MMADHC: variants seen among roughly 807,000 people sequenced by gnomAD.
MMADHC encodes cobalamin trafficking protein CblD.
In MMADHC, 23 loss-of-function variants were observed where a neutral mutation model predicts 36.3. The ratio of observed to expected loss-of-function variants is 0.63; its 90% CI spans 0.46 to 0.90. MMADHC has a LOEUF of 0.90. MMADHC is among the 40% of genes least tolerant of loss of function. The pLI, the probability that MMADHC is intolerant of heterozygous loss-of-function variation, is 0.00. For missense variants in MMADHC, 330 were observed against 348.0 expected (o/e 0.95, Z 0.41); for synonymous variants, 97 against 116.1 (o/e 0.84, Z 1.06).
At chr2:149,571,290 AT>A in intron 6 of MMADHC, 119 bp from the exon 7 acceptor site, 1 of 577,018 alleles carries the variant, frequency 1.7e-6, no homozygotes, top group Non-Finnish European at 2.9e-6. Flanking sequence ...TAATAAAAAA[AT>A]AAAAACCAAT....
intron 6 of MMADHC, chr2:149,572,378 CAG>C (rs1682654658): frequency 3.4e-6 from 1 of 291,156 alleles, no homozygotes; most frequent in Admixed American, 5.1e-5. Context: ...CTGGCCATAA[CAG>C]AGTTAACAGG....
intron 2 of MMADHC, 140 bp downstream of exon 2, chr2:149,586,949 C>G (rs1344591853): frequency 1.2e-6 from 1 of 834,048 alleles, no homozygotes; most frequent in African/African-American, 1.7e-5. Flanking sequence ...TAATTTCACA[C>G]CACTTGCTTC....
Position 149,569,890 on chromosome 2 carries a change from T to C in MMADHC, c.*84A>G, listed in dbSNP as rs575155797. On this transcript the variant is annotated 3_prime_UTR_variant, in exon 8 of 8. Coordinates refer to ENST00000303319, the MANE Select transcript of MMADHC (RefSeq NM_015702.3). The stretch of plus-strand genomic sequence containing the variant: ...AAATAAATACTTAGAAATAAATATA[T>C]TTTAAAAACTTTAGTCTGACAGTGT... 309 of 1,203,006 alleles carry C rather than the reference T, an allele frequency of 2.6e-4. 1 individual carries two copies. The highest frequency in any genetic ancestry group is 2.5e-5 in the Non-Finnish European group (21 of 835,556). The allele number at this position is 1,203,006 out of a possible 1,614,324, so 74.5% of individuals were successfully genotyped here.
At chr2:149,586,973 G>T in intron 2 of MMADHC, 116 bp downstream of exon 2, 1 of 1,075,906 alleles carries the variant, frequency 9.3e-7, no homozygotes, top group Non-Finnish European at 1.4e-6. Flanking sequence ...TGACATTTTT[G>T]ATACATTATA....
intron 6 of MMADHC, among the ~76,000 whole-genome samples, chr2:149,571,498 T>G (rs185221729): frequency 6.6e-6 from 1 of 152,322 alleles, no homozygotes; most frequent in Non-Finnish European, 1.5e-5. Flanking sequence ...GGTTGCTATT[T>G]TGTATTACTA....
chr2:149,583,600 C>T (rs1165700170), intron 2 of MMADHC, among the ~76,000 whole-genome samples: 2 of 152,144 alleles, frequency 1.3e-5, no homozygotes, highest in Admixed American at 1.3e-4. Context: ...AAAAAATGGA[C>T]TGGAGGAGGA....
chr2:149,579,473 T>G lies in MMADHC; in HGVS notation c.330A>C (p.Glu110Asp). ...ATTGTGCCATCACAAACTCATGTCT[T>G]TCACTTGATAAAGGTTCTGCTAGAA... ...PDVLAEPLSSERHEFVMAQYV... is the reference protein window; with the variant it reads ...PDVLAEPLSSDRHEFVMAQYV... The change falls in exon 4 of 8, where the codon GAA becomes GAC. Residue 110 changes from glutamate (E) to aspartate (D), a missense_variant. Glu to Asp is a conservative substitution (Grantham distance 45). Coordinates refer to ENST00000303319, the MANE Select transcript of MMADHC (RefSeq NM_015702.3). The G allele has an allele frequency of 6.2e-7, 1 of 1,612,482 alleles. No individual in the cohort carries two copies. Among genetic ancestry groups the G allele is most frequent in the South Asian group, 1.1e-5 (1 of 91,014 alleles).
chr2:149,579,619 T>G lies in MMADHC; in HGVS notation c.184A>C (p.Met62Leu). The G allele has an allele frequency of 6.2e-7, 1 of 1,613,982 alleles. No homozygotes were observed. The highest frequency in any genetic ancestry group is 1.7e-5 in the Admixed American group (1 of 59,986). ...TGATCTTGAGGTCCAAAGGGTCCCA[T>G]AGTTTCATCAGGCCACACTGTTCGA... ...CSRTVWPDET[M>L]GPFGPQDQRF... is the part of the protein sequence containing the mutation. Residue 62 changes from methionine (M) to leucine (L), a missense_variant, in exon 4 of 8, where the codon ATG becomes CTG. By Grantham distance (15) the Met-to-Leu change is conservative. Coordinates refer to ENST00000303319, the MANE Select transcript of MMADHC (RefSeq NM_015702.3).
chr2:149,583,518 A>G (rs888440273), intron 2 of MMADHC, among the ~76,000 whole-genome samples: 2 of 152,178 alleles, frequency 1.3e-5, no homozygotes, highest in African/African-American at 4.8e-5. Flanking sequence ...TTTAATTTGT[A>G]GGCAGGAAAG....
At chr2:149,584,735 T>C (rs1196174492) in intron 2 of MMADHC, among the ~76,000 whole-genome samples, 1 of 152,176 alleles carries the variant, frequency 6.6e-6, no homozygotes, top group African/African-American at 2.4e-5. Flanking sequence ...GTTTCAAACC[T>C]TACCCGTTAA....
rs761382925 is a variant in MMADHC, at chr2:149,579,700, G to A, written c.155-52C>T. 8 of 1,405,260 alleles carry A rather than the reference G, an allele frequency of 5.7e-6. 1 individual carries two copies. The Middle Eastern group carries it at 1.2e-3, about 214-fold the overall frequency. The allele number at this position is 1,405,260 out of a possible 1,614,324, so 87.0% of individuals were successfully genotyped here. A position where few individuals can be genotyped will look rare whatever the true frequency, so the allele number is the denominator to read the frequency against. ...TTTCTCCTTAATAGTCAAGTATATT[G>A]GTAGACTGAAAGAATGCTCTTCTTA... On this transcript the variant is annotated intron_variant, in intron 3 of 7. Transcript: ENST00000303319.
chr2:149,586,935 A>G (rs752939963), intron 2 of MMADHC, 154 bp downstream of exon 2: 1 of 745,040 alleles, frequency 1.3e-6, no homozygotes, highest in Non-Finnish European at 2.4e-6. Flanking sequence ...TTCAAAGCAT[A>G]ACATAATTTC....
intron 4 of MMADHC, 59 bp from the exon 5 acceptor site, chr2:149,576,601 G>T: frequency 8.4e-7 from 1 of 1,187,810 alleles, no homozygotes; most frequent in East Asian, 2.3e-5. Flanking sequence ...ACGGTATCTT[G>T]CCTGTTATAA....
At chr2:149,570,272 A>T (rs1682620292) in intron 7 of MMADHC, 104 bp from the exon 8 acceptor site, 2 of 981,968 alleles carry the variant, frequency 2.0e-6, no homozygotes, top group African/African-American at 1.6e-5. Context: ...CCAAATATTT[A>T]AAAAACTAAA....
chr2:149,572,723 G>A (rs910959661), intron 6 of MMADHC, among the ~76,000 whole-genome samples: 1 of 152,082 alleles, frequency 6.6e-6, no homozygotes, highest in Non-Finnish European at 1.5e-5. Flanking sequence ...CTATTCACCA[G>A]GGTTTCTTAG....
In MMADHC at chr2:149,579,595, G is replaced by C; in HGVS notation, c.208C>G (p.Gln70Glu). 1 of 1,614,014 alleles carries C rather than the reference G, an allele frequency of 6.2e-7. No homozygotes were observed. Among genetic ancestry groups the C allele is most frequent in the Non-Finnish European group, 8.5e-7 (1 of 1,179,954 alleles). ...ATGTTCCCAGGAAGCTGGAACCTCT[G>C]ATCTTGAGGTCCAAAGGGTCCCATA... Reference protein sequence around the residue: ...ETMGPFGPQDQRFQLPGNIGF... With the variant: ...ETMGPFGPQDERFQLPGNIGF... The change falls in exon 4 of 8, where the codon CAG (glutamine) becomes GAG (glutamate). Residue 70 changes from glutamine to glutamate, a missense_variant. By Grantham distance (29) the Gln-to-Glu change is conservative (BLOSUM62 2). Coordinates refer to ENST00000303319, the MANE Select transcript of MMADHC (RefSeq NM_015702.3).
Position 149,579,469 on chromosome 2 carries a change from GTC to G in MMADHC, c.332_333del (p.Arg111ThrfsTer2). On this transcript the variant is annotated frameshift_variant, in exon 4 of 8. Transcript: ENST00000303319. LOFTEE classifies it high-confidence loss of function. ...DVLAEPLSSE[R>X]HEFVMAQYVN... ...ACATATTGTGCCATCACAAACTCAT[GTC>G]TTTCACTTGATAAAGGTTCTGCTAG... 2 of 1,612,344 alleles carry G rather than the reference GTC, an allele frequency of 1.2e-6. No homozygotes were observed. Among genetic ancestry groups the G allele is most frequent in the Non-Finnish European group, 1.7e-6 (2 of 1,179,952 alleles).
At chr2:149,572,176 A>G in intron 6 of MMADHC, 1 of 416,948 alleles carries the variant, frequency 2.4e-6, no homozygotes, top group Non-Finnish European at 4.7e-6. Flanking sequence ...CCAGATTACA[A>G]TGTTGAAATA....
intron 5 of MMADHC, 113 bp from the exon 6 acceptor site, chr2:149,575,954 T>G (rs1682710787): frequency 2.4e-6 from 2 of 837,674 alleles, no homozygotes; most frequent in African/African-American, 1.7e-5. Flanking sequence ...GTAAAATTAC[T>G]GTGGTATTAG....
Sources: gnomAD v4.1 joint callset for allele counts (sites outside exome capture counted in the v4.1 genomes callset) on GRCh38, gnomAD v4.1.1 for gene constraint, MANE v1.5 for transcripts, NCBI Gene and HGNC (gene_info 2026-07-23, HGNC 2026-07-21) for gene names.